MOK: variants seen among roughly 807,000 people sequenced by gnomAD.
MOK encodes the protein MOK protein kinase.
Under a neutral mutation model 54.2 loss-of-function variants are expected in MOK, and 59 were observed. The observed-to-expected ratio is 1.09, with a 90% CI of 0.88 to 1.35. MOK has a LOEUF of 1.35. MOK is among the 40% of genes most tolerant of loss of function. MOK has a pLI of 0.00. For synonymous variants in MOK, 210 were observed against 202.7 expected, an observed-to-expected ratio of 1.04 and a Z score of -0.31; for missense variants, 517 against 526.2, an observed-to-expected ratio of 0.98 and a Z score of 0.17.
intron 1 of MOK, among the ~76,000 whole-genome samples, chr14:102,294,296 A>T (rs533831925): frequency 4.2e-4 from 64 of 152,204 alleles, no homozygotes; most frequent in African/African-American, 1.5e-3. Context: ...AATACAAAAA[A>T]TTAGCCAGGC....
the MOK span, among the ~76,000 whole-genome samples, chr14:102,217,928 T>G: frequency 9.1e-4 from 139 of 152,334 alleles, no homozygotes; most frequent in African/African-American, 3.1e-3. Flanking sequence ...CAGGAGCACC[T>G]GCCACAGAGG....
downstream of MOK, chr14:102,222,811 T>A: frequency 6.2e-7 from 1 of 1,614,174 alleles, no homozygotes; most frequent in Non-Finnish European, 8.5e-7. This position sits in a 1 kb window ranked among gnomAD's most constrained non-coding sequence, Gnocchi z 4.4. Context: ...TGGATTAATG[T>A]AGACTGCTTT....
chr14:102,217,940 C>T, the MOK span, among the ~76,000 whole-genome samples: 1 of 152,220 alleles, frequency 6.6e-6, no homozygotes, highest in Non-Finnish European at 1.5e-5. Context: ...CCACAGAGGC[C>T]AGCATTGGAG....
chr14:102,233,778 A>C lies in MOK; in HGVS notation c.602T>G (p.Leu201Arg). The stretch of plus-strand genomic sequence containing the variant: ...GTCCAGTTCATTTACTCCAGGAAAG[A>C]GGGGCTGCAGACTGGAAGGGCAGAA... Reference protein sequence around the residue: ...VFYEIASLQPLFPGVNELDQI... With the variant: ...VFYEIASLQPRFPGVNELDQI... The change falls in exon 8 of 12, where the codon CTC (leucine) becomes CGC (arginine). Residue 201 changes from leucine (L) to arginine (R), a missense_variant. Physicochemically the swap from Leu to Arg is moderately radical, Grantham distance 102. Transcript: ENST00000361847. 1 of 1,613,708 alleles carries C rather than the reference A, an allele frequency of 6.2e-7. No homozygotes were observed. Among genetic ancestry groups the C allele is most frequent in the Non-Finnish European group, 8.5e-7 (1 of 1,179,640 alleles).
At position 102,240,923 on chromosome 14, in the gene MOK, T is replaced by C. The variant is rs1338208506; in HGVS notation, c.591-7134A>G. Among the ~76,000 whole-genome samples the C allele has an allele frequency of 6.6e-6, 1 of 152,188 alleles. No homozygotes were observed. The highest frequency in any genetic ancestry group is 1.5e-5 in the Non-Finnish European group (1 of 68,046). On this transcript the variant is annotated intron_variant, in intron 7 of 11. Transcript: ENST00000361847. This position sits in a 1 kb window ranked among gnomAD's most constrained non-coding sequence, Gnocchi z 5.4. ...TCCTTAGGCTGTATTCTCAAAAACT[T>C]AAAACCTCTTCAACTCTTGCCTGAC...
rs776862865 is a variant in MOK, at chr14:102,263,554, A to G, written c.275T>C (p.Leu92Pro). The part of the protein sequence containing the change: ...CELMDMNIYE[L>P]IRGRRYPLSE... ...CAAATTATTCTACGTACCTCGTATT[A>G]GCTCATAAATATTCATGTCCATAAG... is the stretch of plus-strand genomic sequence containing the variant. Residue 92 changes from leucine to proline, a missense_variant, in exon 4 of 12, where the codon CTA (leucine) becomes CCA (proline). Coordinates refer to ENST00000361847, the MANE Select transcript of MOK (RefSeq NM_014226.3). 15 of 1,602,136 alleles carry G rather than the reference A, an allele frequency of 9.4e-6. No individual in the cohort carries two copies. In the African/African-American group the frequency reaches 1.6e-4, roughly 17 times the overall value.
intron 1 of MOK, among the ~76,000 whole-genome samples, chr14:102,286,867 G>A (rs1203902299): frequency 2.0e-5 from 3 of 150,936 alleles, no homozygotes; most frequent in East Asian, 2.0e-4. Context: ...CTGAGATTGC[G>A]CCACTCCACT....
chr14:102,263,094 C>T (rs966159733), intron 4 of MOK, among the ~76,000 whole-genome samples: 4 of 152,228 alleles, frequency 2.6e-5, no homozygotes, highest in Admixed American at 2.0e-4. Context: ...AGGAAATGAA[C>T]GAGCATCCTG....
intron 7 of MOK, chr14:102,246,039 A>G (rs1459087904): frequency 1.3e-5 from 2 of 152,474 alleles, no homozygotes; most frequent in African/African-American, 2.4e-5. Flanking sequence ...CCCTAACTGC[A>G]GGCATTATAA....
At position 102,232,393 on chromosome 14, in the gene MOK, C is replaced by T. The variant is rs914262956; in HGVS notation, c.866+142G>A. ...GCAGCACGGTGTGGGCCCCAAGAGG[C>T]CCTGACCACTCTTCAGGATAGAGAG... is the stretch of plus-strand genomic sequence containing the variant. On this transcript the variant is annotated intron_variant, in intron 9 of 11. Transcript: ENST00000361847. This position sits in a 1 kb window ranked among gnomAD's most constrained non-coding sequence, Gnocchi z 5.1. The T allele has an allele frequency of 3.7e-5, 36 of 962,996 alleles. No individual in the cohort carries two copies. Among genetic ancestry groups the T allele is most frequent in the Admixed American group, 1.3e-4 (5 of 39,536 alleles). The allele number at this position is 962,996 out of a possible 1,614,324, so 59.7% of individuals were successfully genotyped here. A position where few individuals can be genotyped will look rare whatever the true frequency, so the allele number is the denominator to read the frequency against.
chr14:102,259,205 G>A (rs1013657463), intron 4 of MOK, among the ~76,000 whole-genome samples: 14 of 152,026 alleles, frequency 9.2e-5, no homozygotes, highest in South Asian at 6.2e-4. Flanking sequence ...CTATGTGATC[G>A]TTCCCTTATT....
chr14:102,232,420 G>A lies in MOK; in HGVS notation c.866+115C>T, dbSNP rs1470789853. ...CTGACCACTCTTCAGGATAGAGAGC[G>A]CGATTCCCAAGAACCAGGGACCCTC... is the stretch of plus-strand genomic sequence containing the variant. On this transcript the variant is annotated intron_variant, in intron 9 of 11. Transcript: ENST00000361847. The surrounding 1 kb of genome is among the most constrained non-coding windows in gnomAD (Gnocchi z 5.1). The A allele has an allele frequency of 4.3e-5, 54 of 1,251,356 alleles. No homozygotes were observed. Among genetic ancestry groups the A allele is most frequent in the East Asian group, 7.1e-5 (3 of 42,200 alleles). The allele number at this position is 1,251,356 out of a possible 1,614,324, so 77.5% of individuals were successfully genotyped here. A position where few individuals can be genotyped will look rare whatever the true frequency, so the allele number is the denominator to read the frequency against.
At chr14:102,302,855 T>C (rs2072388791) in intron 1 of MOK, among the ~76,000 whole-genome samples, 1 of 151,472 alleles carries the variant, frequency 6.6e-6, no homozygotes, top group Non-Finnish European at 1.5e-5. Flanking sequence ...CTCTAGGTAG[T>C]GGGGTATGAA....
At chr14:102,298,991 T>C (rs1383377935) in intron 1 of MOK, among the ~76,000 whole-genome samples, 1 of 151,982 alleles carries the variant, frequency 6.6e-6, no homozygotes, top group East Asian at 1.9e-4. Flanking sequence ...AGGAAGAAAC[T>C]CTCAACACAT....
At chr14:102,241,995 A>G (rs1460829053) in intron 7 of MOK, among the ~76,000 whole-genome samples, 6 of 152,206 alleles carry the variant, frequency 3.9e-5, no homozygotes, top group Non-Finnish European at 8.8e-5. Flanking sequence ...CCCACTGGAA[A>G]TCGGACTGTC....
At chr14:102,218,042 C>G in the MOK span, among the ~76,000 whole-genome samples, 1 of 152,346 alleles carries the variant, frequency 6.6e-6, no homozygotes, top group South Asian at 2.1e-4. Context: ...CCAGCTGGCA[C>G]CAAGCTCCCG....
chr14:102,259,968 G>A (rs1198134444), intron 4 of MOK, among the ~76,000 whole-genome samples: 3 of 151,972 alleles, frequency 2.0e-5, no homozygotes, highest in Non-Finnish European at 2.9e-5. Flanking sequence ...ACCTGAGGTC[G>A]GGAGTTCAAG....
chr14:102,256,690 T>G (rs1392658113), intron 4 of MOK, among the ~76,000 whole-genome samples: 4 of 150,264 alleles, frequency 2.7e-5, no homozygotes, highest in African/African-American at 9.9e-5. Context: ...CGTGAGCCAC[T>G]GCACCTGGCC....
chr14:102,272,500 T>G (rs1390024673), intron 2 of MOK, among the ~76,000 whole-genome samples: 2 of 151,700 alleles, frequency 1.3e-5, no homozygotes, highest in Non-Finnish European at 2.9e-5. Flanking sequence ...GTATCCCTTA[T>G]GAGTACAAAT....
Sources: allele counts gnomAD v4.1 joint callset (sites outside exome capture counted in the v4.1 genomes callset), GRCh38; gene constraint gnomAD v4.1.1; non-coding constraint Gnocchi (gnomAD v3.1); transcripts MANE v1.5; gene names NCBI Gene and HGNC (gene_info 2026-07-23, HGNC 2026-07-21).